COL5A1: variants seen among roughly 807,000 people sequenced by gnomAD.
COL5A1 encodes collagen alpha-1(V) chain.
A neutral mutation model predicts 263.7 loss-of-function variants in COL5A1; 16 were observed. That is an observed-to-expected ratio of 0.06 (90% confidence interval 0.04 to 0.09). The LOEUF is 0.09. Among genes scored for constraint, COL5A1 ranks in the 10% least tolerant of loss-of-function variants. The pLI is 1.00. For synonymous variants in COL5A1, 1,012 were observed against 1,004.5 expected, an observed-to-expected ratio of 1.01 and a Z score of -0.14; for missense variants, 2,036 against 2,540.5, an observed-to-expected ratio of 0.80 and a Z score of 4.27.
chr9:134,676,266 A>G (rs1056983447), intron 1 of COL5A1, among the ~76,000 whole-genome samples: 4 of 152,086 alleles, frequency 2.6e-5, no homozygotes, highest in Non-Finnish European at 5.9e-5. Flanking sequence ...ATCAGATGAC[A>G]TTGCCATCTT....
At chr9:134,808,474 T>C (rs1415021458) in intron 42 of COL5A1, among the ~76,000 whole-genome samples, 2 of 152,230 alleles carry the variant, frequency 1.3e-5, no homozygotes, top group Admixed American at 1.3e-4. Context: ...CCTGTGTGTG[T>C]ACCTGTGCGT....
Position 134,754,430 on chromosome 9 carries a change from G to A in COL5A1, c.1827+104G>A. The A allele has an allele frequency of 1.5e-6, 2 of 1,320,314 alleles. No homozygotes were observed. The highest frequency in any genetic ancestry group is 2.2e-6 in the Non-Finnish European group (2 of 915,884). 81.8% of individuals were successfully genotyped at this position (1,320,314 alleles called of 1,614,324 possible). Reference sequence around the variant, plus strand: ...CCAACAGCCAGCTGGGCCACATGAAGCCAGGTGGCTCCCCTTCTTGTGATG... The same window carrying A: ...CCAACAGCCAGCTGGGCCACATGAAACCAGGTGGCTCCCCTTCTTGTGATG... On this transcript the variant is annotated intron_variant, in intron 16 of 65. Transcript: ENST00000371817. This position sits in a 1 kb window ranked among gnomAD's most constrained non-coding sequence, Gnocchi z 4.3.
chr9:134,707,472 C>T (rs1011117732), intron 4 of COL5A1, among the ~76,000 whole-genome samples: 3 of 152,206 alleles, frequency 2.0e-5, no homozygotes, highest in African/African-American at 7.2e-5. Context: ...TTTCACTCTC[C>T]CCGGGGCAGG....
At position 134,757,870 on chromosome 9, in the gene COL5A1, C is replaced by T. The variant is rs761531576; in HGVS notation, c.1882-373C>T. 6.6e-6 allele frequency among the ~76,000 whole-genome samples: 1 copy of T among 152,092 alleles called. No homozygotes were observed. The highest frequency in any genetic ancestry group is 1.5e-5 in the Non-Finnish European group (1 of 68,016). ...TCGGCACCATGGATACAGCTGTGAG[C>T]GGACACACCGGGACCCTGCTCTCCT... On this transcript the variant is annotated intron_variant, in intron 17 of 65. Coordinates refer to ENST00000371817, the MANE Select transcript of COL5A1 (RefSeq NM_000093.5). This position sits in a 1 kb window ranked among gnomAD's most constrained non-coding sequence, Gnocchi z 6.2.
chr9:134,648,306 T>A (rs563033997), intron 1 of COL5A1, among the ~76,000 whole-genome samples: 1,344 of 96,944 alleles, frequency 0.014, 35 homozygotes, highest in South Asian at 0.14. Flanking sequence ...ATATATATAA[T>A]ATATATATAT....
At chr9:134,819,989 C>A in intron 57 of COL5A1, 127 bp from the exon 58 acceptor site, 1 of 799,030 alleles carries the variant, frequency 1.3e-6, no homozygotes. Flanking sequence ...GTTCCCCTTC[C>A]AGGGGAGGCT....
chr9:134,839,552 C>T (rs1050877396), intron 65 of COL5A1, among the ~76,000 whole-genome samples: 10 of 152,200 alleles, frequency 6.6e-5, no homozygotes, highest in African/African-American at 9.7e-5. Flanking sequence ...GGCCGGGCAG[C>T]GCCCTGCTGG....
intron 1 of COL5A1, among the ~76,000 whole-genome samples, chr9:134,671,555 A>G (rs530383203): frequency 2.9e-4 from 44 of 152,192 alleles, no homozygotes; most frequent in Non-Finnish European, 5.3e-4. Flanking sequence ...ACTGAATAAA[A>G]TAATTTCAGA....
chr9:134,842,540 T>A lies in COL5A1; in HGVS notation c.*237T>A. 1.7e-6 allele frequency: 1 copy of A among 602,370 alleles called. No homozygotes were observed. The highest frequency in any genetic ancestry group is 2.9e-6 in the Non-Finnish European group (1 of 339,106). 37.3% of individuals were successfully genotyped at this position (602,370 alleles called of 1,614,324 possible). On this transcript the variant is annotated 3_prime_UTR_variant, in exon 66 of 66. Coordinates refer to ENST00000371817, the MANE Select transcript of COL5A1 (RefSeq NM_000093.5). The surrounding 1 kb of genome is among the most constrained non-coding windows in gnomAD (Gnocchi z 5.8). The stretch of plus-strand genomic sequence containing the variant: ...CATGACCTAGCTGCACCCCAGCGCC[T>A]GGGCCCGCCCCACGCTCTGTCCACA...
chr9:134,740,990 G>T (rs1015700165), intron 11 of COL5A1, among the ~76,000 whole-genome samples: 4 of 151,924 alleles, frequency 2.6e-5, no homozygotes, highest in African/African-American at 9.7e-5. Flanking sequence ...CCCTTCCAGT[G>T]AGAGGGGTGC....
intron 1 of COL5A1, among the ~76,000 whole-genome samples, chr9:134,644,796 G>A (rs1831422681): frequency 6.6e-6 from 1 of 152,170 alleles, no homozygotes; most frequent in South Asian, 2.1e-4. Flanking sequence ...CCAATATTTG[G>A]AAATTGAGGT....
intron 6 of COL5A1, among the ~76,000 whole-genome samples, chr9:134,729,347 T>G (rs551820145): frequency 6.6e-6 from 1 of 151,800 alleles, no homozygotes; most frequent in Non-Finnish European, 1.5e-5. Context: ...TGCAGGAGTG[T>G]GTATGGGTGG....
chr9:134,697,170 C>T (rs1189529718), intron 2 of COL5A1, among the ~76,000 whole-genome samples: 1 of 152,096 alleles, frequency 6.6e-6, no homozygotes, highest in Non-Finnish European at 1.5e-5. Flanking sequence ...ACAGCCGATT[C>T]CCTCCTCCCA....
At chr9:134,792,516 C>T (rs1038630114) in intron 32 of COL5A1, among the ~76,000 whole-genome samples, 1 of 152,178 alleles carries the variant, frequency 6.6e-6, no homozygotes, top group Admixed American at 6.5e-5. Context: ...GTTGAGATTA[C>T]AGATCGCCTG....
intron 19 of COL5A1, among the ~76,000 whole-genome samples, chr9:134,763,410 C>A (rs911259610): frequency 3.9e-5 from 6 of 152,242 alleles, no homozygotes; most frequent in Admixed American, 3.9e-4. Context: ...CAAATCCTTT[C>A]AATTAGATGC....
intron 9 of COL5A1, chr9:134,732,353 T>C (rs1007786026): frequency 9.4e-6 from 6 of 635,390 alleles, no homozygotes; most frequent in African/African-American, 1.8e-5. Context: ...GGGGGCGGGA[T>C]AGGTGCTGAT....
At chr9:134,654,553 G>A (rs1175557378) in intron 1 of COL5A1, among the ~76,000 whole-genome samples, 2 of 117,556 alleles carry the variant, frequency 1.7e-5, no homozygotes, top group Non-Finnish European at 3.5e-5. Flanking sequence ...CTGGGTGTGT[G>A]TAGGGCTGGG....
At chr9:134,814,074 C>T (rs1377650314) in intron 49 of COL5A1, 38 bp downstream of exon 49, 3 of 1,545,364 alleles carry the variant, frequency 1.9e-6, no homozygotes, top group Admixed American at 3.9e-5. Context: ...TGGGATATGG[C>T]CGAGCGGGTG....
intron 4 of COL5A1, among the ~76,000 whole-genome samples, chr9:134,725,253 T>C (rs758750935): frequency 1.3e-5 from 2 of 152,184 alleles, no homozygotes; most frequent in Non-Finnish European, 2.9e-5. Context: ...TGGGGGACCC[T>C]GGACAGGTGA....
Sources: gnomAD v4.1 joint callset for allele counts (sites outside exome capture counted in the v4.1 genomes callset) on GRCh38, gnomAD v4.1.1 for gene constraint, Gnocchi (gnomAD v3.1) non-coding constraint, MANE v1.5 for transcripts, NCBI Gene and HGNC (gene_info 2026-07-23, HGNC 2026-07-21) for gene names.